Variants in THSD7A observed in about 807,000 individuals in gnomAD.
THSD7A encodes the protein thrombospondin type-1 domain-containing protein 7A.
A neutral mutation model predicts 231.3 loss-of-function variants in THSD7A; 96 were observed. That is an observed-to-expected ratio of 0.41 (90% confidence interval 0.35 to 0.49). THSD7A has a LOEUF of 0.49. THSD7A is among the 20% of genes least tolerant of loss of function. The probability of loss-of-function intolerance (pLI) is 0.05; values close to 1 mark genes in which losing one functional copy is unlikely to be tolerated. For synonymous variants in THSD7A, 940 were observed against 743.3 expected (o/e 1.26, Z -4.30); for missense variants, 2,290 against 2,070.2 (o/e 1.11, Z -2.06).
chr7:11,807,329 A>T (rs953539813), intron 1 of THSD7A, among the ~76,000 whole-genome samples: 1 of 152,174 alleles, frequency 6.6e-6, no homozygotes, highest in Non-Finnish European at 1.5e-5. Context: ...ACTGGCTGTT[A>T]GCTACTGGTA....
chr7:11,687,894 T>C lies in THSD7A; in HGVS notation c.191-50933A>G, dbSNP rs1020928161. 3.3e-5 allele frequency among the ~76,000 whole-genome samples: 5 copies of C among 151,844 alleles called. No individual in the cohort carries two copies. The South Asian group carries it at 1.0e-3, about 32-fold the overall frequency. On this transcript the variant is annotated intron_variant, in intron 1 of 27. Transcript: ENST00000423059. ...TTTTTTTTAATTTAATTTTATTTTT[T>C]TAAGGCGAATTTTATTTATTTATTT... is the stretch of plus-strand genomic sequence containing the variant.
At chr7:11,437,595 T>A (rs1784675052) in intron 13 of THSD7A, among the ~76,000 whole-genome samples, 1 of 152,104 alleles carries the variant, frequency 6.6e-6, no homozygotes, top group African/African-American at 2.4e-5. Flanking sequence ...CTGAAATGCA[T>A]TAGACATTAA....
At chr7:11,797,498 C>T (rs1044762974) in intron 1 of THSD7A, among the ~76,000 whole-genome samples, 1 of 149,762 alleles carries the variant, frequency 6.7e-6, no homozygotes, top group Non-Finnish European at 1.5e-5. Context: ...CTCACTGTAG[C>T]CTTGACCTCC....
At position 11,374,170 on chromosome 7, in the gene THSD7A, T is replaced by A. The variant is rs1782171932; in HGVS notation, c.*1624A>T. 1 of 152,112 alleles carries A rather than the reference T, an allele frequency of 6.6e-6. No homozygotes were observed. The highest frequency in any genetic ancestry group is 2.1e-4 in the South Asian group (1 of 4,830). 9.4% of individuals were successfully genotyped at this position (152,112 alleles called of 1,614,324 possible). Reference sequence around the variant, plus strand: ...AATATGACCTGCAAAGGTGGCCTACTGGCTGTTTTTGTAAGGGAAGTTATA... The same window carrying A: ...AATATGACCTGCAAAGGTGGCCTACAGGCTGTTTTTGTAAGGGAAGTTATA... On this transcript the variant is annotated 3_prime_UTR_variant, in exon 28 of 28. Transcript: ENST00000423059.
At chr7:11,717,182 A>G (rs1781168782) in intron 1 of THSD7A, among the ~76,000 whole-genome samples, 1 of 151,720 alleles carries the variant, frequency 6.6e-6, no homozygotes, top group Non-Finnish European at 1.5e-5. Context: ...GTCTGATTGC[A>G]GGAACGCTAT....
At position 11,446,906 on chromosome 7, in the gene THSD7A, A is replaced by C. The variant is rs1191339280; in HGVS notation, c.2800+324T>G. Among the ~76,000 whole-genome samples the C allele has an allele frequency of 1.3e-5, 2 of 152,120 alleles. No individual in the cohort carries two copies. The highest frequency in any genetic ancestry group is 4.8e-5 in the African/African-American group (2 of 41,448). ...CTCTGACAGTGAGAATGGGTTAACAAAGTAGCAACTTTTTCTCTTGTTCCC... is the reference window on the plus strand; with the variant it reads ...CTCTGACAGTGAGAATGGGTTAACACAGTAGCAACTTTTTCTCTTGTTCCC... On this transcript the variant is annotated intron_variant, in intron 12 of 27. Transcript: ENST00000423059. The surrounding 1 kb of genome is among the most constrained non-coding windows in gnomAD (Gnocchi z 4.0).
In THSD7A at chr7:11,376,618, C is replaced by G. The variant is rs775156089; in HGVS notation, c.4841G>C (p.Gly1614Ala). ...AATAAAGATGAGTAACACAAATGCC[C>G]CAGCTGCTACACCGTAAACCCAGGT... is the stretch of plus-strand genomic sequence containing the variant. ...LKTWVYGVAA[G>A]AFVLLIFIVS... The change falls in exon 27 of 28, where the codon GGG (glycine) becomes GCG (alanine). Residue 1614 changes from glycine to alanine, a missense_variant. By Grantham distance (60) the Gly-to-Ala change is moderately conservative. Coordinates refer to ENST00000423059, the MANE Select transcript of THSD7A (RefSeq NM_015204.3). 11 of 1,588,342 alleles carry G rather than the reference C, an allele frequency of 6.9e-6. No individual in the cohort carries two copies. In the African/African-American group the frequency reaches 8.1e-5, roughly 12 times the overall value.
chr7:11,666,470 G>A (rs1783136635), intron 1 of THSD7A, among the ~76,000 whole-genome samples: 1 of 151,900 alleles, frequency 6.6e-6, no homozygotes, highest in Non-Finnish European at 1.5e-5. Flanking sequence ...GAGCATTTTG[G>A]ATTAGGGATG....
intron 1 of THSD7A, among the ~76,000 whole-genome samples, chr7:11,786,876 T>G (rs1202761244): frequency 6.6e-6 from 1 of 152,006 alleles, no homozygotes; most frequent in African/African-American, 2.4e-5. Context: ...AAATTATACA[T>G]GCTTGCTGTC....
At chr7:11,442,644 C>G (rs1784842227) in intron 13 of THSD7A, among the ~76,000 whole-genome samples, 1 of 151,994 alleles carries the variant, frequency 6.6e-6, no homozygotes, top group South Asian at 2.1e-4. Context: ...TCCACAAACA[C>G]CAGAATTTGC....
chr7:11,750,782 G>C (rs1434943482), intron 1 of THSD7A, among the ~76,000 whole-genome samples: 2 of 151,962 alleles, frequency 1.3e-5, no homozygotes, highest in Non-Finnish European at 2.9e-5. Context: ...GGACAAATTT[G>C]CAAGCTTAGC....
chr7:11,560,852 C>A (rs573847753), intron 4 of THSD7A, among the ~76,000 whole-genome samples: 2 of 152,090 alleles, frequency 1.3e-5, no homozygotes, highest in African/African-American at 4.8e-5. Flanking sequence ...CAAGGAATTA[C>A]AAACAAAAGT....
At chr7:11,488,854 C>T (rs906647582) in intron 6 of THSD7A, among the ~76,000 whole-genome samples, 2 of 152,102 alleles carry the variant, frequency 1.3e-5, no homozygotes, top group Non-Finnish European at 2.9e-5. Context: ...AACTGACATG[C>T]TGCTTTTTCA....
chr7:11,378,395 G>C (rs1260550448), intron 26 of THSD7A, among the ~76,000 whole-genome samples: 1 of 152,192 alleles, frequency 6.6e-6, no homozygotes, highest in Non-Finnish European at 1.5e-5. Context: ...AGTGTGCAGA[G>C]TAGAGAATAG....
At chr7:11,807,846 C>G (rs971517772) in intron 1 of THSD7A, among the ~76,000 whole-genome samples, 2 of 152,100 alleles carry the variant, frequency 1.3e-5, no homozygotes, top group South Asian at 2.1e-4. Flanking sequence ...AAATGTTGGT[C>G]TCCTGAAAAG....
chr7:11,702,766 C>T (rs1002497613), intron 1 of THSD7A, among the ~76,000 whole-genome samples: 1 of 151,044 alleles, frequency 6.6e-6, no homozygotes, highest in African/African-American at 2.4e-5. Flanking sequence ...ATATGAGTAC[C>T]TATCTTTGTG....
In THSD7A at chr7:11,373,073, G is replaced by GTA. The variant is rs1334885311; in HGVS notation, c.*2720_*2721insTA. 2.2e-5 allele frequency: 3 copies of GTA among 137,340 alleles called. No homozygotes were observed. The highest frequency in any genetic ancestry group is 8.5e-5 in the African/African-American group (3 of 35,208). The allele number at this position is 137,340 out of a possible 1,614,324, so 8.5% of individuals were successfully genotyped here. Reference sequence around the variant, plus strand: ...CATATATATGGGTGTGTGTGTGTGTGTGTGTATATATATATATGCATGCAT... The same window carrying GTA: ...CATATATATGGGTGTGTGTGTGTGTGTATGTGTATATATATATATGCATGCAT... On this transcript the variant is annotated 3_prime_UTR_variant, in exon 28 of 28. Coordinates refer to ENST00000423059, the MANE Select transcript of THSD7A (RefSeq NM_015204.3).
At chr7:11,416,001 C>A (rs578124448) in intron 17 of THSD7A, among the ~76,000 whole-genome samples, 1 of 151,996 alleles carries the variant, frequency 6.6e-6, no homozygotes, top group Non-Finnish European at 1.5e-5. Flanking sequence ...CGAGGCTGCC[C>A]GATTCTTGAA....
intron 1 of THSD7A, among the ~76,000 whole-genome samples, chr7:11,643,750 C>T (rs530751383): frequency 2.6e-5 from 4 of 151,990 alleles, no homozygotes; most frequent in South Asian, 4.1e-4. Context: ...GATGTTCTAT[C>T]GCTGGATGTT....
Sources: allele counts gnomAD v4.1 joint callset (sites outside exome capture counted in the v4.1 genomes callset), GRCh38; gene constraint gnomAD v4.1.1; non-coding constraint Gnocchi (gnomAD v3.1); transcripts MANE v1.5; gene names NCBI Gene and HGNC (gene_info 2026-07-23, HGNC 2026-07-21).